RGSL1: variants seen among roughly 807,000 people sequenced by gnomAD.
RGSL1 encodes regulator of G protein signaling like 1.
Under a neutral mutation model 124.7 loss-of-function variants are expected in RGSL1, and 97 were observed. That is an observed-to-expected ratio of 0.78 (90% confidence interval 0.66 to 0.92). The LOEUF (loss-of-function observed/expected upper bound fraction) is 0.92. RGSL1 is among the 40% of genes least tolerant of loss of function. The probability of loss-of-function intolerance (pLI) is 0.00; values close to 1 mark genes in which losing one functional copy is unlikely to be tolerated. For synonymous variants in RGSL1, 424 were observed against 438.1 expected, an observed-to-expected ratio of 0.97 and a Z score of 0.40; for missense variants, 1,233 against 1,288.4, an observed-to-expected ratio of 0.96 and a Z score of 0.66.
chr1:182,486,223 T>C (rs1655085018), intron 6 of RGSL1, among the ~76,000 whole-genome samples: 1 of 152,140 alleles, frequency 6.6e-6, no homozygotes, highest in African/African-American at 2.4e-5. Context: ...GTATATCTAG[T>C]TATTTCTTTT....
chr1:182,511,523 T>C (rs1571616116), intron 9 of RGSL1, among the ~76,000 whole-genome samples: 1 of 152,318 alleles, frequency 6.6e-6, no homozygotes. Flanking sequence ...TATTTCCCCA[T>C]TGTATCTTCT....
At position 182,556,213 on chromosome 1, in the gene RGSL1, A is replaced by T. The variant is rs983240987; in HGVS notation, c.*156A>T. 5.8e-6 allele frequency: 4 copies of T among 688,830 alleles called. No individual in the cohort carries two copies. Among genetic ancestry groups the T allele is most frequent in the Non-Finnish European group, 9.9e-6 (4 of 403,720 alleles). The allele number at this position is 688,830 out of a possible 1,614,324, so 42.7% of individuals were successfully genotyped here. A position where few individuals can be genotyped will look rare whatever the true frequency, so the allele number is the denominator to read the frequency against. ...GACAGCCCAGATATGGCAGGACCAG[A>T]CTGCAATGGGTAAGACTTGGGCAGA... On this transcript the variant is annotated 3_prime_UTR_variant, in exon 21 of 22. Transcript: ENST00000294854.
chr1:182,477,379 T>A (rs1654375932), intron 6 of RGSL1, among the ~76,000 whole-genome samples: 1 of 152,212 alleles, frequency 6.6e-6, no homozygotes, highest in Non-Finnish European at 1.5e-5. Flanking sequence ...CCTTTCGGTC[T>A]CATTAGACAC....
chr1:182,492,287 C>A (rs1047572551), intron 8 of RGSL1, among the ~76,000 whole-genome samples: 4 of 152,154 alleles, frequency 2.6e-5, no homozygotes, highest in African/African-American at 7.2e-5. Context: ...GAGTTCAAGA[C>A]CAGCCTGGGC....
intron 15 of RGSL1, among the ~76,000 whole-genome samples, chr1:182,545,648 C>T (rs10911087): frequency 0.52 from 79,564 of 151,954 alleles, 21,052 homozygotes; most frequent in Non-Finnish European, 0.56. Flanking sequence ...CTCTCCTTCA[C>T]AGTTGAAGGA....
chr1:182,504,472 C>CTTT (rs60918424), intron 9 of RGSL1, among the ~76,000 whole-genome samples: 2 of 59,518 alleles, frequency 3.4e-5, no homozygotes, highest in East Asian at 5.1e-4. Context: ...ATGAGCCATA[C>CTTT]TTTTTTTTTT....
chr1:182,554,802 C>A, intron 20 of RGSL1, 109 bp downstream of exon 20: 1 of 1,078,766 alleles, frequency 9.3e-7, no homozygotes, highest in Non-Finnish European at 1.4e-6. Flanking sequence ...CCTGCCTCTC[C>A]TTGGCATGCA....
rs114915486 is a variant in RGSL1 at position 182,495,776 on chromosome 1, T to C, written c.1825+2647T>C. On this transcript the variant is annotated intron_variant, in intron 9 of 21. Coordinates refer to ENST00000294854, the MANE Select transcript of RGSL1 (RefSeq NM_001137669.2). ...AGCTGGTCATCAATGTGACCAGCCA[T>C]AGATGTGATGACAGTGAAGTGGCAG... Among the ~76,000 whole-genome samples, 469 of 152,278 alleles carry C rather than the reference T, an allele frequency of 3.1e-3. 6 individuals carry two copies. Among genetic ancestry groups the C allele is most frequent in the African/African-American group, 0.011 (446 of 41,566 alleles).
At chr1:182,502,225 T>G (rs1171454261) in intron 9 of RGSL1, among the ~76,000 whole-genome samples, 2 of 152,198 alleles carry the variant, frequency 1.3e-5, no homozygotes, top group African/African-American at 4.8e-5. Flanking sequence ...AAGTAGATGC[T>G]TCTACTCCCT....
intron 2 of RGSL1, among the ~76,000 whole-genome samples, chr1:182,455,332 A>T (rs1330765353): frequency 6.6e-6 from 1 of 152,230 alleles, no homozygotes; most frequent in African/African-American, 2.4e-5. Flanking sequence ...CTGTAACCCC[A>T]GCAATTTGGG....
intron 9 of RGSL1, among the ~76,000 whole-genome samples, chr1:182,507,472 C>T (rs1157426826): frequency 6.6e-6 from 1 of 152,152 alleles, no homozygotes; most frequent in Non-Finnish European, 1.5e-5. Flanking sequence ...TGAGTAAGAA[C>T]ATGTGATATT....
Position 182,524,434 on chromosome 1 carries a change from T to G in RGSL1, c.1931+2325T>G, listed in dbSNP as rs148064374. Reference sequence around the variant, plus strand: ...GGGAAAATACAGATGTACAAAGCAATGAAGGGAGAAAATCAGACTTCTGGA... The same window carrying G: ...GGGAAAATACAGATGTACAAAGCAAGGAAGGGAGAAAATCAGACTTCTGGA... On this transcript the variant is annotated intron_variant, in intron 10 of 21. Coordinates refer to ENST00000294854, the MANE Select transcript of RGSL1 (RefSeq NM_001137669.2). 7.1e-4 allele frequency among the ~76,000 whole-genome samples: 108 copies of G among 152,110 alleles called. 1 individual carries two copies. In the Middle Eastern group the frequency reaches 0.027, roughly 38 times the overall value.
intron 6 of RGSL1, among the ~76,000 whole-genome samples, chr1:182,475,441 G>A (rs1436037218): frequency 6.6e-6 from 1 of 152,142 alleles, no homozygotes; most frequent in Non-Finnish European, 1.5e-5. Context: ...GGAATGGGTG[G>A]TGCAGTGGGG....
chr1:182,509,520 G>T (rs1203075617), intron 9 of RGSL1, among the ~76,000 whole-genome samples: 1 of 90,356 alleles, frequency 1.1e-5, no homozygotes, highest in Non-Finnish European at 2.3e-5. Context: ...CCCGGACGGG[G>T]CAGCTGGCCG....
chr1:182,471,264 G>A, intron 4 of RGSL1: 1 of 457,448 alleles, frequency 2.2e-6, no homozygotes, highest in Non-Finnish European at 4.4e-6. Context: ...CTCTCTTATG[G>A]TGGAATTTTC....
intron 9 of RGSL1, among the ~76,000 whole-genome samples, chr1:182,514,405 T>C (rs1657704461): frequency 6.6e-6 from 1 of 152,210 alleles, no homozygotes; most frequent in Non-Finnish European, 1.5e-5. Flanking sequence ...TCCCTGATGC[T>C]ATATGTGATA....
chr1:182,548,757 C>A lies in RGSL1; in HGVS notation c.2866C>A (p.Leu956Ile). ...AILAAITEGYLDRSVFHGAIM... is the reference protein window; with the variant it reads ...AILAAITEGYIDRSVFHGAIM... ...CCTTGCTGCCATCACAGAGGGCTAC[C>A]TAGATCGGAGCGTCTTCCATGGGGC... is the stretch of plus-strand genomic sequence containing the variant. The change falls in exon 17 of 22, where the codon CTA becomes ATA. Residue 956 changes from leucine to isoleucine, a missense_variant. By Grantham distance (5) the Leu-to-Ile change is conservative. Transcript: ENST00000294854. 6.4e-7 allele frequency: 1 copy of A among 1,551,662 alleles called. No homozygotes were observed.
chr1:182,474,661 A>T, intron 6 of RGSL1, 119 bp downstream of exon 6: 1 of 1,366,720 alleles, frequency 7.3e-7, no homozygotes. Context: ...ATAAACCTTT[A>T]CATATTGAAG....
In RGSL1 at chr1:182,454,184, G is replaced by C. The variant is rs1169163197; in HGVS notation, c.96+144G>C. On this transcript the variant is annotated intron_variant, in intron 2 of 21. Coordinates refer to ENST00000294854, the MANE Select transcript of RGSL1 (RefSeq NM_001137669.2). ...TTAAATAAAAAAACTCTTTTAATTT[G>C]AGCAAATAAACATGAACCAGAACCA... 9.7e-6 allele frequency: 6 copies of C among 618,078 alleles called. No homozygotes were observed. In the Admixed American group the frequency reaches 1.2e-4, roughly 12 times the overall value. 38.3% of individuals were successfully genotyped at this position (618,078 alleles called of 1,614,324 possible).
Sources: allele counts gnomAD v4.1 joint callset (sites outside exome capture counted in the v4.1 genomes callset), GRCh38; gene constraint gnomAD v4.1.1; transcripts MANE v1.5; gene names NCBI Gene and HGNC (gene_info 2026-07-23, HGNC 2026-07-21).